DOK6: variants seen among roughly 807,000 people sequenced by gnomAD.
The protein encoded by DOK6 is docking protein 6.
A neutral mutation model predicts 44.0 loss-of-function variants in DOK6; 22 were observed. The observed-to-expected ratio is 0.50, with a 90% CI of 0.36 to 0.71. DOK6 has a LOEUF of 0.71. Ranked by LOEUF, DOK6 falls within the 30% of genes least tolerant of loss-of-function variation. The pLI is 0.00. For missense variants in DOK6, 340 were observed against 416.4 expected, an observed-to-expected ratio of 0.82 and a Z score of 1.60; for synonymous variants, 166 against 145.5, an observed-to-expected ratio of 1.14 and a Z score of -1.01.
intron 3 of DOK6, among the ~76,000 whole-genome samples, chr18:69,634,397 C>T (rs1321150431): frequency 2.0e-5 from 3 of 152,028 alleles, no homozygotes; most frequent in African/African-American, 7.2e-5. Context: ...ATGCTTTTTG[C>T]CATGTTAAAA....
At chr18:69,612,402 T>TGTGCGAGGGCGCATGC in intron 3 of DOK6, among the ~76,000 whole-genome samples, 2 of 146,670 alleles carry the variant, frequency 1.4e-5, no homozygotes, top group African/African-American at 2.5e-5. Flanking sequence ...AGAGACTTTG[T>TGTGCGAGGGCGCATGC]GTGCGAGGGC....
At position 69,823,918 on chromosome 18, in the gene DOK6, T is replaced by A. The variant is rs72953828; in HGVS notation, c.857-17326T>A. On this transcript the variant is annotated intron_variant, in intron 7 of 7. Transcript: ENST00000382713. ...CATTTGCACAAGTCAGAAACTTACG[T>A]GTTTGAAGATCAAAAGTTATAATCA... 7.2e-3 allele frequency among the ~76,000 whole-genome samples: 1,096 copies of A among 152,270 alleles called. 6 individuals carry two copies. Among genetic ancestry groups the A allele is most frequent in the Admixed American group, 0.012 (183 of 15,300 alleles).
At chr18:69,772,039 T>A (rs1010548711) in intron 7 of DOK6, among the ~76,000 whole-genome samples, 1 of 145,296 alleles carries the variant, frequency 6.9e-6, no homozygotes, top group South Asian at 2.2e-4. Context: ...GGCTTTTAGG[T>A]GAACACCTTT....
intron 5 of DOK6, among the ~76,000 whole-genome samples, chr18:69,711,252 TAA>T (rs1186105213): frequency 6.6e-6 from 1 of 152,204 alleles, no homozygotes; most frequent in African/African-American, 2.4e-5. Flanking sequence ...CATTTACAAG[TAA>T]AATTAGTAGG....
chr18:69,516,702 C>G (rs1006349156), intron 1 of DOK6, among the ~76,000 whole-genome samples: 5 of 150,540 alleles, frequency 3.3e-5, no homozygotes, highest in East Asian at 1.9e-4. Context: ...TCTTTTGAGG[C>G]GGAGTCTCTG....
At chr18:69,599,556 G>A (rs971296950) in intron 3 of DOK6, 58 bp downstream of exon 3, 1 of 1,413,618 alleles carries the variant, frequency 7.1e-7, no homozygotes, top group Non-Finnish European at 9.9e-7. Context: ...TGAGACAATG[G>A]CCCAGGCGGA....
intron 5 of DOK6, among the ~76,000 whole-genome samples, chr18:69,701,613 T>C (rs930024547): frequency 1.3e-5 from 2 of 152,218 alleles, no homozygotes; most frequent in Non-Finnish European, 2.9e-5. Context: ...ATCTTTTGTA[T>C]GAATTATTTT....
At chr18:69,759,718 G>T (rs1277827651) in intron 7 of DOK6, among the ~76,000 whole-genome samples, 2 of 152,142 alleles carry the variant, frequency 1.3e-5, no homozygotes, top group African/African-American at 4.8e-5. Context: ...TGATTTATAT[G>T]TTGTATAGAT....
chr18:69,616,957 T>C lies in DOK6; in HGVS notation c.289+17459T>C, dbSNP rs1290974573. 6.6e-5 allele frequency among the ~76,000 whole-genome samples: 10 copies of C among 152,238 alleles called. No individual in the cohort carries two copies. In the East Asian group the frequency reaches 1.9e-3, roughly 29 times the overall value. On this transcript the variant is annotated intron_variant, in intron 3 of 7. Coordinates refer to ENST00000382713, the MANE Select transcript of DOK6 (RefSeq NM_152721.6). ...TTACAGTAGCAATCTCTTAATAAGC[T>C]AACAAGAATATCTGAGACTTTTAAA...
chr18:69,802,976 T>C (rs1425207381), intron 7 of DOK6, among the ~76,000 whole-genome samples: 2 of 152,178 alleles, frequency 1.3e-5, no homozygotes, highest in African/African-American at 4.8e-5. Flanking sequence ...CTATCTCCTT[T>C]AGCTCTTATT....
chr18:69,822,416 C>T (rs1981600516), intron 7 of DOK6, among the ~76,000 whole-genome samples: 1 of 151,906 alleles, frequency 6.6e-6, no homozygotes, highest in Admixed American at 6.6e-5. Context: ...GAGTATTAGC[C>T]TTTTTGATGG....
chr18:69,500,119 A>G (rs1348727230), intron 1 of DOK6, among the ~76,000 whole-genome samples: 3 of 152,130 alleles, frequency 2.0e-5, no homozygotes, highest in Non-Finnish European at 2.9e-5. Flanking sequence ...CAGGTACATG[A>G]GATTGTGTAA....
Position 69,755,764 on chromosome 18 carries a change from T to A in DOK6, c.739-1992T>A, listed in dbSNP as rs1300421677. 2.0e-5 allele frequency among the ~76,000 whole-genome samples: 3 copies of A among 152,240 alleles called. No homozygotes were observed. The East Asian group carries it at 5.8e-4, about 29-fold the overall frequency. On this transcript the variant is annotated intron_variant, in intron 6 of 7. Transcript: ENST00000382713. ...TAAAACTGGAGACCTCCATTGTTGA[T>A]GCAGGATTTTTTTGCTCCTTAGTTC...
At chr18:69,741,749 G>C (rs1312075219) in intron 6 of DOK6, among the ~76,000 whole-genome samples, 2 of 152,048 alleles carry the variant, frequency 1.3e-5, no homozygotes, top group Non-Finnish European at 2.9e-5. Context: ...CAACTTCCTT[G>C]GTCTCCCAAA....
chr18:69,843,752 A>T lies in DOK6; in HGVS notation c.*2369A>T, dbSNP rs1228529217. On this transcript the variant is annotated 3_prime_UTR_variant, in exon 8 of 8. Transcript: ENST00000382713. ...CTCGGGCCAGTTCATTCTGAAAATG[A>T]TGTCGTAAAAAGAGTATGTGTGAGA... 1 of 152,232 alleles carries T rather than the reference A, an allele frequency of 6.6e-6. No individual in the cohort carries two copies. The highest frequency in any genetic ancestry group is 2.4e-5 in the African/African-American group (1 of 41,454). 9.4% of individuals were successfully genotyped at this position (152,232 alleles called of 1,614,324 possible).
intron 1 of DOK6, among the ~76,000 whole-genome samples, chr18:69,529,152 G>A (rs1002706235): frequency 6.6e-6 from 1 of 152,120 alleles, no homozygotes; most frequent in Non-Finnish European, 1.5e-5. Flanking sequence ...TAGTTAATTA[G>A]GTAATTTACT....
chr18:69,693,272 A>G (rs570347420), intron 4 of DOK6, among the ~76,000 whole-genome samples: 1 of 149,896 alleles, frequency 6.7e-6, no homozygotes, highest in African/African-American at 2.4e-5. Flanking sequence ...TCTGAAGCAG[A>G]GGAAGAAATA....
chr18:69,507,681 T>A (rs981426109), intron 1 of DOK6, among the ~76,000 whole-genome samples: 1 of 152,066 alleles, frequency 6.6e-6, no homozygotes, highest in Non-Finnish European at 1.5e-5. Flanking sequence ...AAGTTTTTGA[T>A]CTTCATTGTT....
chr18:69,715,565 A>G (rs542886933), intron 5 of DOK6, among the ~76,000 whole-genome samples: 32 of 152,316 alleles, frequency 2.1e-4, no homozygotes, highest in African/African-American at 7.2e-4. Flanking sequence ...AGTCGAGTGC[A>G]TTGTTAACCA....
Sources: gnomAD v4.1 joint callset for allele counts (sites outside exome capture counted in the v4.1 genomes callset) on GRCh38, gnomAD v4.1.1 for gene constraint, MANE v1.5 for transcripts, NCBI Gene and HGNC (gene_info 2026-07-23, HGNC 2026-07-21) for gene names.